The following TMTC2 variants were observed in gnomAD, a reference collection of about 807,000 sequenced individuals.
TMTC2 encodes protein O-mannosyl-transferase TMTC2.
TMTC2 carries 43 observed loss-of-function variants against 82.4 expected under a neutral mutation model. That is an observed-to-expected ratio of 0.52 (90% CI 0.41 to 0.67). The LOEUF (loss-of-function observed/expected upper bound fraction) is 0.67. Among genes scored for constraint, TMTC2 ranks in the 30% least tolerant of loss-of-function variants. TMTC2 has a pLI of 0.00. For synonymous variants in TMTC2, 408 were observed against 381.9 expected, an observed-to-expected ratio of 1.07 and a Z score of -0.80; for missense variants, 919 against 1,012.4, an observed-to-expected ratio of 0.91 and a Z score of 1.25.
intron 1 of TMTC2, among the ~76,000 whole-genome samples, chr12:82,834,887 T>TA (rs1271304197): frequency 7.2e-5 from 11 of 152,174 alleles, no homozygotes; most frequent in South Asian, 4.1e-4. Context: ...TTTTATTATT[T>TA]TTTTTTTTGA....
rs35177760 is a variant in TMTC2, at chr12:82,873,213, T to TTGTGTGTGTGTGTG, written c.654+15657_654+15670dup. 1.6e-3 allele frequency among the ~76,000 whole-genome samples: 229 copies of TTGTGTGTGTGTGTG among 143,624 alleles called. 2 individuals carry two copies. Among genetic ancestry groups the TTGTGTGTGTGTGTG allele is most frequent in the African/African-American group, 5.7e-3 (216 of 38,168 alleles). The allele number at this position is 143,624 out of a possible 152,430, so 94.2% of individuals were successfully genotyped here. ...GGATTTTGGCCCTGTTTCAAAGATG[T>TTGTGTGTGTGTGTG]TGTGTGTGTGTGTGTGTGTGTGTGT... On this transcript the variant is annotated intron_variant, in intron 2 of 11. Transcript: ENST00000321196.
At chr12:82,759,068 C>T (rs533395461) in intron 1 of TMTC2, 3 of 152,144 alleles carry the variant, frequency 2.0e-5, no homozygotes, top group Non-Finnish European at 4.4e-5. Flanking sequence ...TGCCTCACGG[C>T]TGTCTGCCAA....
chr12:82,985,555 A>T (rs979435540), intron 7 of TMTC2, among the ~76,000 whole-genome samples: 1 of 152,184 alleles, frequency 6.6e-6, no homozygotes, highest in African/African-American at 2.4e-5. Flanking sequence ...GAATTTCTAA[A>T]GGAATAAATG....
chr12:82,754,358 A>G (rs1440647226), intron 1 of TMTC2, among the ~76,000 whole-genome samples: 1 of 152,212 alleles, frequency 6.6e-6, no homozygotes, highest in African/African-American at 2.4e-5. Context: ...TAAGAAGTAT[A>G]ATAGCTATGT....
At chr12:82,821,317 CCTT>C (rs1162648815) in intron 1 of TMTC2, among the ~76,000 whole-genome samples, 16 of 152,166 alleles carry the variant, frequency 1.1e-4, no homozygotes, top group Admixed American at 6.5e-4. Flanking sequence ...CCTGGCCTAA[CCTT>C]CTTTCTTTAC....
chr12:83,061,673 A>AT (rs980038513), intron 10 of TMTC2, 95 bp from the exon 11 acceptor site: 13 of 1,150,106 alleles, frequency 1.1e-5, no homozygotes, highest in African/African-American at 3.2e-5. Context: ...TGTGACCAGA[A>AT]TTTTTTTAAA....
chr12:82,712,884 C>T (rs1048246202), intron 1 of TMTC2, among the ~76,000 whole-genome samples: 1 of 151,946 alleles, frequency 6.6e-6, no homozygotes, highest in African/African-American at 2.4e-5. Flanking sequence ...AGGGGGAGAC[C>T]AGGTGGGAAT....
chr12:82,940,192 T>G (rs1876635497), intron 4 of TMTC2, among the ~76,000 whole-genome samples: 2 of 151,830 alleles, frequency 1.3e-5, no homozygotes, highest in South Asian at 4.2e-4. Context: ...TAATTTTGTA[T>G]TTTTAGTAGA....
Position 82,857,040 on chromosome 12 carries a change from C to A in TMTC2, c.114C>A (p.Leu38=), listed in dbSNP as rs369100510. 4 of 1,612,896 alleles carry A rather than the reference C, an allele frequency of 2.5e-6. No individual in the cohort carries two copies. In the African/African-American group the frequency reaches 4.0e-5, roughly 16 times the overall value. Residue 38 remains leucine, a synonymous_variant, in exon 2 of 12, where the codon CTC becomes CTA. Coordinates refer to ENST00000321196, the MANE Select transcript of TMTC2 (RefSeq NM_152588.3). ...CTATCAAGACTAATCAGGACCTTCT[C>A]CCAGAAACTCCATGGACGCACATTT... ...SRAIKTNQDL[L]PETPWTHIFY...
chr12:83,127,188 GTGT>G (rs1885123116), intron 11 of TMTC2, among the ~76,000 whole-genome samples: 1 of 152,118 alleles, frequency 6.6e-6, no homozygotes, highest in South Asian at 2.1e-4. Flanking sequence ...TCCCAAAGAT[GTGT>G]TGTGTATTAA....
At chr12:83,047,860 A>ATTTCC (rs1436687371) in intron 9 of TMTC2, among the ~76,000 whole-genome samples, 3 of 152,226 alleles carry the variant, frequency 2.0e-5, no homozygotes, top group Non-Finnish European at 4.4e-5. Flanking sequence ...AATTAACAAT[A>ATTTCC]TTTCCTTTTT....
chr12:83,018,035 T>TTGTG (rs67164668), intron 8 of TMTC2, among the ~76,000 whole-genome samples: 52 of 141,824 alleles, frequency 3.7e-4, no homozygotes, highest in African/African-American at 3.5e-4. Flanking sequence ...TATATATATA[T>TTGTG]TGTGTGTGTG....
At chr12:82,756,499 T>A (rs1210681227) in intron 1 of TMTC2, among the ~76,000 whole-genome samples, 1 of 152,234 alleles carries the variant, frequency 6.6e-6, no homozygotes, top group Non-Finnish European at 1.5e-5. Flanking sequence ...TGGCAGGTAT[T>A]ACTGCTTCCA....
At chr12:82,700,199 T>A (rs1050413480) in intron 1 of TMTC2, among the ~76,000 whole-genome samples, 5 of 152,166 alleles carry the variant, frequency 3.3e-5, no homozygotes, top group Admixed American at 6.5e-5. Flanking sequence ...TATCCTCTGT[T>A]CTCTCTTATA....
intron 11 of TMTC2, among the ~76,000 whole-genome samples, chr12:83,109,027 T>A (rs1336697069): frequency 1.3e-5 from 2 of 152,198 alleles, no homozygotes; most frequent in African/African-American, 4.8e-5. Flanking sequence ...TCTCAGATAA[T>A]CTCTCATTCC....
At chr12:83,001,078 C>G (rs1349564363) in intron 8 of TMTC2, among the ~76,000 whole-genome samples, 1 of 152,108 alleles carries the variant, frequency 6.6e-6, no homozygotes, top group African/African-American at 2.4e-5. Flanking sequence ...ATCTCCGGGC[C>G]TGTGACGGGA....
rs567461908 is a variant in TMTC2 at position 82,839,714 on chromosome 12, C to T, written c.84-17296C>T. On this transcript the variant is annotated intron_variant, in intron 1 of 11. Coordinates refer to ENST00000321196, the MANE Select transcript of TMTC2 (RefSeq NM_152588.3). ...GATTATCTTTAGTCAAGAAGATGTA[C>T]CCAAGGTCAGCTTCTTTGGTAGTGT... 5.3e-5 allele frequency among the ~76,000 whole-genome samples: 8 copies of T among 152,272 alleles called. No individual in the cohort carries two copies. In the East Asian group the frequency reaches 1.4e-3, roughly 26 times the overall value.
intron 2 of TMTC2, among the ~76,000 whole-genome samples, chr12:82,880,285 T>TA (rs540049235): frequency 2.7e-3 from 405 of 152,360 alleles, no homozygotes; most frequent in Non-Finnish European, 5.0e-3. Context: ...ATAAAGCGTC[T>TA]AGTACCTCCT....
intron 2 of TMTC2, among the ~76,000 whole-genome samples, chr12:82,881,300 T>C (rs1420048909): frequency 2.0e-5 from 3 of 152,240 alleles, no homozygotes; most frequent in Non-Finnish European, 2.9e-5. Context: ...TTTCATAGTT[T>C]GAGTACTTTT....
Sources: gnomAD v4.1 joint callset for allele counts (sites outside exome capture counted in the v4.1 genomes callset) on GRCh38, gnomAD v4.1.1 for gene constraint, MANE v1.5 for transcripts, NCBI Gene and HGNC (gene_info 2026-07-23, HGNC 2026-07-21) for gene names.